The following MKNK1 variants were observed in gnomAD, a reference collection of about 807,000 sequenced individuals.
MKNK1 encodes MAPK interacting serine/threonine kinase 1.
A neutral mutation model predicts 49.3 loss-of-function variants in MKNK1; 30 were observed. The observed-to-expected ratio is 0.61, with a 90% CI of 0.46 to 0.83. MKNK1 has a LOEUF of 0.83. Among genes scored for constraint, MKNK1 ranks in the 40% least tolerant of loss-of-function variants. The pLI is 0.00. For synonymous variants in MKNK1, 176 were observed against 201.7 expected, an observed-to-expected ratio of 0.87 and a Z score of 1.08; for missense variants, 423 against 524.7, an observed-to-expected ratio of 0.81 and a Z score of 1.89.
chr1:46,582,825 G>T, intron 3 of MKNK1: 1 of 463,416 alleles, frequency 2.2e-6, no homozygotes, highest in African/African-American at 2.0e-5. Flanking sequence ...GGAGACTGAA[G>T]TTTCATTTGC....
At chr1:46,577,004 G>A (rs1671064929) in intron 4 of MKNK1, among the ~76,000 whole-genome samples, 1 of 152,216 alleles carries the variant, frequency 6.6e-6, no homozygotes, top group Admixed American at 6.5e-5. Flanking sequence ...TGCCTTAAGG[G>A]TAAGCATTTA....
At chr1:46,561,677 C>T in intron 10 of MKNK1, 35 bp from the exon 11 acceptor site, 1 of 1,606,762 alleles carries the variant, frequency 6.2e-7, no homozygotes, top group Non-Finnish European at 8.5e-7. Flanking sequence ...GGCCACACTG[C>T]CAGGGATGGG....
At chr1:46,564,937 T>C in intron 9 of MKNK1, 104 bp downstream of exon 9, 4 of 1,084,608 alleles carry the variant, frequency 3.7e-6, no homozygotes, top group Non-Finnish European at 5.5e-6. Context: ...AGCAGGAAGA[T>C]AGGTCCACTT....
intron 12 of MKNK1, chr1:46,559,660 T>C (rs1386104183): frequency 6.4e-6 from 1 of 156,106 alleles, no homozygotes; most frequent in Non-Finnish European, 1.4e-5. Flanking sequence ...TACTATTTTT[T>C]TTGAGACAGA....
chr1:46,572,128 T>C lies in MKNK1; in HGVS notation c.392A>G (p.Asn131Ser), dbSNP rs553251017. ...LAHIQKQKHF[N>S]EREASRVVRD... ...CACCACTCGGCTGGCTTCTCGCTCA[T>C]TGAAGTGCTTTTGCTTCTGGATGTG... Residue 131 changes from asparagine (N) to serine (S), a missense_variant, in exon 7 of 13, where the codon AAT (asparagine) becomes AGT (serine). By Grantham distance (46) the Asn-to-Ser change is conservative. Transcript: ENST00000371945. 5.0e-6 allele frequency: 8 copies of C among 1,614,172 alleles called. No homozygotes were observed. Among genetic ancestry groups the C allele is most frequent in the East Asian group, 2.2e-5 (1 of 44,888 alleles).
At chr1:46,583,485 A>G (rs998557990) in intron 2 of MKNK1, among the ~76,000 whole-genome samples, 156 bp from the exon 3 acceptor site, 2 of 152,166 alleles carry the variant, frequency 1.3e-5, no homozygotes, top group Non-Finnish European at 2.9e-5. Flanking sequence ...GTTTTGACCT[A>G]GGAGGAAAAA....
chr1:46,558,685 C>T lies in MKNK1; in HGVS notation c.1129G>A (p.Gly377Ser). The T allele has an allele frequency of 1.2e-6, 2 of 1,614,214 alleles. No individual in the cohort carries two copies. Among genetic ancestry groups the T allele is most frequent in the Non-Finnish European group, 1.7e-6 (2 of 1,180,022 alleles). Residue 377 changes from glycine (G) to serine (S), a missense_variant, in exon 13 of 13, where the codon GGC becomes AGC. By Grantham distance (56) the Gly-to-Ser change is moderately conservative. Transcript: ENST00000371945. Reference protein sequence around the residue: ...LAEEPEALADGLCSMKLSPPC... With the variant: ...LAEEPEALADSLCSMKLSPPC... ...GGGGAAAGCTTCATGGAGCAGAGGC[C>T]ATCAGCTAGTGCCTCTGGCTCCTCT... is the stretch of plus-strand genomic sequence containing the variant.
intron 12 of MKNK1, 122 bp from the exon 13 acceptor site, chr1:46,558,922 G>C: frequency 2.5e-6 from 2 of 801,664 alleles, no homozygotes; most frequent in Non-Finnish European, 3.9e-6. Flanking sequence ...CCAGAGCTGG[G>C]ACGGGCTGCT....
intron 2 of MKNK1, among the ~76,000 whole-genome samples, chr1:46,586,613 G>A (rs1672610717): frequency 6.6e-6 from 1 of 152,182 alleles, no homozygotes; most frequent in Non-Finnish European, 1.5e-5. Context: ...CATGCATACT[G>A]TTAGGTGTGG....
At chr1:46,584,376 G>A (rs1672194855) in intron 2 of MKNK1, 1 of 152,120 alleles carries the variant, frequency 6.6e-6, no homozygotes, top group South Asian at 2.1e-4. Context: ...CCCCACCAGC[G>A]TGATTAAACC....
At chr1:46,599,418 C>G (rs1199964035) in intron 1 of MKNK1, among the ~76,000 whole-genome samples, 1 of 152,200 alleles carries the variant, frequency 6.6e-6, no homozygotes, top group African/African-American at 2.4e-5. Context: ...CCTGCAGCTT[C>G]TGTAAACTGG....
At chr1:46,562,513 G>C (rs947686013) in intron 10 of MKNK1, 136 bp downstream of exon 10, 2 of 1,009,416 alleles carry the variant, frequency 2.0e-6, no homozygotes, top group African/African-American at 1.7e-5. Flanking sequence ...TGTGGCCACC[G>C]TGACAGGAGC....
At chr1:46,572,512 C>T (rs1670344541) in intron 6 of MKNK1, among the ~76,000 whole-genome samples, 1 of 152,250 alleles carries the variant, frequency 6.6e-6, no homozygotes, top group South Asian at 2.1e-4. Context: ...GCCACTGCGC[C>T]TGGCCGTATA....
intron 9 of MKNK1, among the ~76,000 whole-genome samples, chr1:46,564,493 T>TTTTTTGGGGGG (rs1668698960): frequency 1.1e-5 from 1 of 91,510 alleles, no homozygotes; most frequent in Non-Finnish European, 2.7e-5. Flanking sequence ...TTTTTTTTTT[T>TTTTTTGGGGGG]GAGACGGAGT....
chr1:46,561,283 T>A (rs574775235), intron 11 of MKNK1, among the ~76,000 whole-genome samples, 195 bp downstream of exon 11: 1 of 152,308 alleles, frequency 6.6e-6, no homozygotes, highest in East Asian at 1.9e-4. Context: ...TACAGCCAAC[T>A]CTATGGCCTA....
intron 9 of MKNK1, among the ~76,000 whole-genome samples, chr1:46,563,264 G>A (rs1037439745): frequency 1.3e-5 from 2 of 152,188 alleles, no homozygotes; most frequent in Non-Finnish European, 2.9e-5. Flanking sequence ...TCCCCTGCTA[G>A]CTCAGAGCAG....
At chr1:46,576,297 C>A in intron 5 of MKNK1, 2 of 340,860 alleles carry the variant, frequency 5.9e-6, no homozygotes, top group African/African-American at 2.1e-5. Context: ...GAAATAAAAC[C>A]CCATTTCCCC....
intron 6 of MKNK1, among the ~76,000 whole-genome samples, chr1:46,572,769 GCT>G (rs1406887898): frequency 6.6e-6 from 1 of 152,128 alleles, no homozygotes; most frequent in Non-Finnish European, 1.5e-5. Flanking sequence ...GGCTGATTTG[GCT>G]TCTGCAATCA....
chr1:46,574,777 T>C, intron 6 of MKNK1, 170 bp downstream of exon 6: 2 of 579,120 alleles, frequency 3.5e-6, no homozygotes, highest in Non-Finnish European at 6.2e-6. Flanking sequence ...TGCAAAATGC[T>C]AATTATCATC....
Sources: gnomAD v4.1 joint callset for allele counts (sites outside exome capture counted in the v4.1 genomes callset) on GRCh38, gnomAD v4.1.1 for gene constraint, MANE v1.5 for transcripts, NCBI Gene and HGNC (gene_info 2026-07-23, HGNC 2026-07-21) for gene names.